The following CSMD1 variants were observed in gnomAD, a reference collection of about 807,000 sequenced individuals.
The protein encoded by CSMD1 is CUB and sushi domain-containing protein 1.
In CSMD1, 213 loss-of-function variants were observed where a neutral mutation model predicts 417.5. The observed-to-expected ratio is 0.51, with a 90% CI of 0.46 to 0.57. The LOEUF (loss-of-function observed/expected upper bound fraction) is 0.57. Among genes scored for constraint, CSMD1 ranks in the 20% least tolerant of loss-of-function variants. CSMD1 has a pLI of 0.00. For missense variants in CSMD1, 6,923 were observed against 4,529.7 expected (o/e 1.53, Z -15.17); for synonymous variants, 2,862 against 1,736.8 (o/e 1.65, Z -16.11).
intron 17 of CSMD1, among the ~76,000 whole-genome samples, chr8:3,389,512 AAC>A (rs1416665877): frequency 1.3e-5 from 2 of 152,218 alleles, no homozygotes; most frequent in African/African-American, 4.8e-5. Flanking sequence ...GGGGAAAAAA[AAC>A]AGTTAACTAA....
chr8:2,998,563 C>A (rs976367733), intron 53 of CSMD1, among the ~76,000 whole-genome samples: 37 of 152,158 alleles, frequency 2.4e-4, no homozygotes, highest in African/African-American at 8.7e-4. Flanking sequence ...CCATACACAC[C>A]AGCTGACTCT....
chr8:3,878,952 T>C (rs894657945), intron 5 of CSMD1, among the ~76,000 whole-genome samples: 5 of 152,168 alleles, frequency 3.3e-5, no homozygotes, highest in Non-Finnish European at 5.9e-5. Context: ...AATATATGAC[T>C]AAGTTTTTAA....
chr8:3,663,356 T>C (rs531464305), intron 7 of CSMD1, among the ~76,000 whole-genome samples: 1 of 152,248 alleles, frequency 6.6e-6, no homozygotes, highest in Admixed American at 6.5e-5. Flanking sequence ...ACATGGCAAG[T>C]TTGACTTTAT....
At chr8:3,661,872 G>A (rs575256112) in intron 7 of CSMD1, among the ~76,000 whole-genome samples, 93 of 152,232 alleles carry the variant, frequency 6.1e-4, no homozygotes, top group South Asian at 1.9e-3. Flanking sequence ...GTTGAAGGAC[G>A]ACACATAGGA....
At chr8:4,379,577 A>C (rs929298828) in intron 3 of CSMD1, among the ~76,000 whole-genome samples, 6 of 152,222 alleles carry the variant, frequency 3.9e-5, no homozygotes, top group African/African-American at 1.4e-4. Context: ...GTCTAAAATT[A>C]TTTCAAAGTA....
intron 1 of CSMD1, among the ~76,000 whole-genome samples, chr8:4,888,741 A>G (rs904500145): frequency 1.3e-5 from 2 of 152,094 alleles, no homozygotes; most frequent in African/African-American, 4.8e-5. Context: ...CAAGCCTGGG[A>G]TATGTGTTAG....
chr8:3,990,603 G>C (rs1284832127), intron 5 of CSMD1, among the ~76,000 whole-genome samples: 2 of 152,174 alleles, frequency 1.3e-5, no homozygotes, highest in African/African-American at 4.8e-5. Flanking sequence ...CTTTGAAATA[G>C]TTTTTTAACT....
intron 10 of CSMD1, among the ~76,000 whole-genome samples, chr8:3,525,856 C>T (rs1384024913): frequency 6.6e-6 from 1 of 152,060 alleles, no homozygotes; most frequent in Admixed American, 6.6e-5. Flanking sequence ...CTCCAGAACC[C>T]CCATTAGAAA....
At chr8:3,698,299 T>C (rs2129035856) in intron 7 of CSMD1, among the ~76,000 whole-genome samples, 1 of 152,312 alleles carries the variant, frequency 6.6e-6, no homozygotes, top group South Asian at 2.1e-4. Context: ...ACTACATTTG[T>C]TTTATATGGA....
intron 19 of CSMD1, among the ~76,000 whole-genome samples, 187 bp downstream of exon 19, chr8:3,369,066 GT>G (rs1418907297): frequency 6.6e-6 from 1 of 152,184 alleles, no homozygotes; most frequent in Non-Finnish European, 1.5e-5. Context: ...ACGGGGAATG[GT>G]TTTTATTGTA....
intron 5 of CSMD1, among the ~76,000 whole-genome samples, chr8:3,910,441 G>C (rs1194623164): frequency 6.6e-6 from 1 of 152,122 alleles, no homozygotes; most frequent in Non-Finnish European, 1.5e-5. Context: ...ATAAAATCAC[G>C]AAATTTAAGT....
intron 11 of CSMD1, among the ~76,000 whole-genome samples, chr8:3,475,911 C>G (rs547355259): frequency 4.6e-5 from 7 of 152,200 alleles, no homozygotes; most frequent in Non-Finnish European, 7.3e-5. Context: ...TAATGACAAC[C>G]ATAAGATACA....
chr8:4,280,752 A>G (rs188429707), intron 3 of CSMD1, among the ~76,000 whole-genome samples: 1 of 152,334 alleles, frequency 6.6e-6, no homozygotes, highest in Admixed American at 6.5e-5. Flanking sequence ...TAGTACCCAT[A>G]TTTTTAAAAA....
At chr8:4,876,297 A>G (rs1386383201) in intron 1 of CSMD1, among the ~76,000 whole-genome samples, 1 of 152,068 alleles carries the variant, frequency 6.6e-6, no homozygotes, top group Non-Finnish European at 1.5e-5. Flanking sequence ...TGCTTCTTTA[A>G]AGGAGAGTGG....
intron 43 of CSMD1, among the ~76,000 whole-genome samples, chr8:3,109,739 C>G (rs750320): frequency 0.027 from 4,032 of 152,042 alleles, 142 homozygotes; most frequent in East Asian, 0.18. Flanking sequence ...AGCCACACCA[C>G]ACACAACACG....
At chr8:3,314,318 T>C (rs1464368842) in intron 23 of CSMD1, among the ~76,000 whole-genome samples, 1 of 152,192 alleles carries the variant, frequency 6.6e-6, no homozygotes, top group East Asian at 1.9e-4. Context: ...TTCTTCCAAA[T>C]AGAGATATTT....
At chr8:3,392,710 G>T (rs1258454826) in intron 17 of CSMD1, among the ~76,000 whole-genome samples, 1 of 152,046 alleles carries the variant, frequency 6.6e-6, no homozygotes, top group African/African-American at 2.4e-5. Flanking sequence ...TGGAATCTGG[G>T]CTTGGGGCTG....
intron 3 of CSMD1, among the ~76,000 whole-genome samples, chr8:4,217,158 C>A (rs936699563): frequency 4.6e-5 from 7 of 152,170 alleles, no homozygotes; most frequent in African/African-American, 9.7e-5. Flanking sequence ...CCAGAAATAA[C>A]TACTGAATAC....
At chr8:4,124,424 G>C (rs145470397) in intron 3 of CSMD1, among the ~76,000 whole-genome samples, 60 of 151,908 alleles carry the variant, frequency 3.9e-4, no homozygotes, top group African/African-American at 1.1e-3. Flanking sequence ...TTTCCCTTTA[G>C]TGTAGAAGGG....
Sources: allele counts gnomAD v4.1 joint callset (sites outside exome capture counted in the v4.1 genomes callset), GRCh38; gene constraint gnomAD v4.1.1; transcripts MANE v1.5; gene names NCBI Gene and HGNC (gene_info 2026-07-23, HGNC 2026-07-21).